The following MIGA2 variants were observed in gnomAD, a reference collection of about 807,000 sequenced individuals.
MIGA2 encodes the protein mitoguardin 2.
A neutral mutation model predicts 69.9 loss-of-function variants in MIGA2; 36 were observed. The observed-to-expected ratio is 0.52, with a 90% CI of 0.39 to 0.68. MIGA2 has a LOEUF of 0.68. Among genes scored for constraint, MIGA2 ranks in the 30% least tolerant of loss-of-function variants. The pLI, the probability that MIGA2 is intolerant of heterozygous loss-of-function variation, is 0.00. For missense variants in MIGA2, 660 were observed against 787.7 expected, an observed-to-expected ratio of 0.84 and a Z score of 1.94; for synonymous variants, 333 against 349.2, an observed-to-expected ratio of 0.95 and a Z score of 0.52.
rs748896249 is a variant in MIGA2, at chr9:129,068,177, TC to T, written c.1270-18del. 1 of 1,613,562 alleles carries T rather than the reference TC, an allele frequency of 6.2e-7. No homozygotes were observed. The highest frequency in any genetic ancestry group is 8.5e-7 in the Non-Finnish European group (1 of 1,180,002). On this transcript the variant is annotated intron_variant, in intron 12 of 15. Coordinates refer to ENST00000684074, the MANE Select transcript of MIGA2 (RefSeq NM_001329990.2). This position sits in a 1 kb window ranked among gnomAD's most constrained non-coding sequence, Gnocchi z 4.1. ...CCGGCAGTGCCCCCATGCATGAGCC[TC>T]CCGGGGGCACCCTCTGTAGGTGGTA... is the stretch of plus-strand genomic sequence containing the variant.
At chr9:129,067,939 G>A (rs1846448992) in intron 12 of MIGA2, 68 bp downstream of exon 12, 1 of 1,523,854 alleles carries the variant, frequency 6.6e-7, no homozygotes, top group Non-Finnish European at 9.0e-7. Flanking sequence ...GGGGGTTCTT[G>A]TGCCGAGCTC....
chr9:129,068,730 G>T lies in MIGA2; in HGVS notation c.1405-346G>T. 2.4e-6 allele frequency: 1 copy of T among 419,254 alleles called. No homozygotes were observed. Among genetic ancestry groups the T allele is most frequent in the Non-Finnish European group, 4.4e-6 (1 of 229,080 alleles). The allele number at this position is 419,254 out of a possible 1,614,324, so 26.0% of individuals were successfully genotyped here. A position where few individuals can be genotyped will look rare whatever the true frequency, so the allele number is the denominator to read the frequency against. On this transcript the variant is annotated intron_variant, in intron 13 of 15. Transcript: ENST00000684074. The surrounding 1 kb of genome is among the most constrained non-coding windows in gnomAD (Gnocchi z 4.1). ...GGCAAGCAGTAACGCTCCAGCAGCC[G>T]GGCTGTGCTGCCTGGGCCCAGGCTT...
At chr9:129,045,164 A>C (rs1418930618) in intron 3 of MIGA2, among the ~76,000 whole-genome samples, 2 of 150,894 alleles carry the variant, frequency 1.3e-5, no homozygotes, top group Non-Finnish European at 3.0e-5. Flanking sequence ...AAAAAAAAAA[A>C]AACGAAGCAA....
intron 6 of MIGA2, among the ~76,000 whole-genome samples, chr9:129,052,097 A>T (rs1845577559): frequency 6.6e-6 from 1 of 151,874 alleles, no homozygotes; most frequent in Non-Finnish European, 1.5e-5. Flanking sequence ...AAGTGCTGGG[A>T]TTATAGGCGT....
Position 129,068,092 on chromosome 9 carries a change from G to A in MIGA2, c.1270-106G>A, listed in dbSNP as rs759236840. The A allele has an allele frequency of 1.5e-5, 22 of 1,497,730 alleles. No individual in the cohort carries two copies. The highest frequency in any genetic ancestry group is 1.1e-4 in the African/African-American group (8 of 72,670). 92.8% of individuals were successfully genotyped at this position (1,497,730 alleles called of 1,614,324 possible). ...AGCGGGAAAGACGTGTCCCCCCCAC[G>A]TGTGCTCATGCCCTGGACCCCAGCT... On this transcript the variant is annotated intron_variant, in intron 12 of 15. Transcript: ENST00000684074. The surrounding 1 kb of genome is among the most constrained non-coding windows in gnomAD (Gnocchi z 4.1).
chr9:129,066,470 C>G (rs767317555), intron 11 of MIGA2, among the ~76,000 whole-genome samples: 1 of 151,744 alleles, frequency 6.6e-6, no homozygotes, highest in Non-Finnish European at 1.5e-5. Flanking sequence ...GTCAGGAGAT[C>G]AAGACCATCC....
chr9:129,040,368 C>T, intron 1 of MIGA2, 84 bp from the exon 2 acceptor site: 1 of 1,007,634 alleles, frequency 9.9e-7, no homozygotes, highest in Non-Finnish European at 1.3e-6. Context: ...CCTGCCTCCT[C>T]CCCCATGGAC....
intron 4 of MIGA2, 123 bp from the exon 5 acceptor site, chr9:129,049,258 C>A: frequency 1.1e-6 from 1 of 893,052 alleles, no homozygotes; most frequent in Non-Finnish European, 1.8e-6. Context: ...TAGGAACAAG[C>A]TCAGGGATGG....
chr9:129,055,234 T>C (rs1845735764), intron 6 of MIGA2, among the ~76,000 whole-genome samples: 1 of 151,940 alleles, frequency 6.6e-6, no homozygotes, highest in Non-Finnish European at 1.5e-5. Flanking sequence ...CCAGCCACTA[T>C]GCCCAGCTAA....
In MIGA2 at chr9:129,068,317, C is replaced by T; in HGVS notation, c.1389C>T (p.Asp463=). ...TCCTGCGGAACCGCTGGCTGTCAGA[C>T]AGCTTCAAGGAGACGGTGGGTCACT... The part of the protein sequence containing the change: ...LAVLRNRWLS[D]SFKETALATA... The change falls in exon 13 of 16, where the codon GAC becomes GAT. Residue 463 remains aspartate, a synonymous_variant. Coordinates refer to ENST00000684074, the MANE Select transcript of MIGA2 (RefSeq NM_001329990.2). This position sits in a 1 kb window ranked among gnomAD's most constrained non-coding sequence, Gnocchi z 4.1. The T allele has an allele frequency of 4.4e-6, 7 of 1,606,578 alleles. No homozygotes were observed. Among genetic ancestry groups the T allele is most frequent in the Non-Finnish European group, 5.9e-6 (7 of 1,178,660 alleles).
At chr9:129,067,720 T>C (rs1846435107) in intron 11 of MIGA2, 53 bp from the exon 12 acceptor site, 2 of 1,524,656 alleles carry the variant, frequency 1.3e-6, no homozygotes, top group African/African-American at 2.7e-5. Flanking sequence ...CAGGCCAGCC[T>C]GTCCCTGTGG....
rs1347548597 is a variant in MIGA2, at chr9:129,071,702, C to T, written c.*1249C>T. On this transcript the variant is annotated 3_prime_UTR_variant, in exon 16 of 16. Transcript: ENST00000684074. ...GATGATGCTGGGTGTGGCCCATCTT[C>T]TGTGGGCCCCTTCCCAGACACCGGA... 1.3e-5 allele frequency: 2 copies of T among 152,196 alleles called. No homozygotes were observed. The highest frequency in any genetic ancestry group is 2.4e-5 in the African/African-American group (1 of 41,422). The allele number at this position is 152,196 out of a possible 1,614,324, so 9.4% of individuals were successfully genotyped here.
At position 129,060,406 on chromosome 9, in the gene MIGA2, G is replaced by A. The variant is rs1846003858; in HGVS notation, c.794-144G>A. On this transcript the variant is annotated intron_variant, in intron 7 of 15. Coordinates refer to ENST00000684074, the MANE Select transcript of MIGA2 (RefSeq NM_001329990.2). This position sits in a 1 kb window ranked among gnomAD's most constrained non-coding sequence, Gnocchi z 4.8. ...GTCCTCACACAGAAGCGCTTGGCAC[G>A]TCAGAGCTTTGCCATTGAGTGTGGG... 3 of 669,666 alleles carry A rather than the reference G, an allele frequency of 4.5e-6. No individual in the cohort carries two copies. Among genetic ancestry groups the A allele is most frequent in the South Asian group, 3.8e-5 (2 of 52,378 alleles). 41.5% of individuals were successfully genotyped at this position (669,666 alleles called of 1,614,324 possible).
At chr9:129,036,820 C>G in intron 1 of MIGA2, 139 bp downstream of exon 1, 1 of 449,200 alleles carries the variant, frequency 2.2e-6, no homozygotes, top group African/African-American at 2.2e-5. Context: ...GAGTGGGTAC[C>G]CGGGCCGGGG....
At chr9:129,054,671 T>G (rs1444568582) in intron 6 of MIGA2, among the ~76,000 whole-genome samples, 3 of 152,200 alleles carry the variant, frequency 2.0e-5, no homozygotes, top group Admixed American at 6.5e-5. Flanking sequence ...AAGGTTCATC[T>G]GTGTTGCAGC....
intron 6 of MIGA2, among the ~76,000 whole-genome samples, chr9:129,054,067 G>A (rs1845680664): frequency 6.6e-6 from 1 of 152,018 alleles, no homozygotes; most frequent in Admixed American, 6.6e-5. Context: ...AATTCACATA[G>A]CATCTAAACT....
intron 3 of MIGA2, among the ~76,000 whole-genome samples, chr9:129,044,492 C>T (rs530461607): frequency 3.0e-4 from 46 of 152,214 alleles, no homozygotes; most frequent in Non-Finnish European, 4.7e-4. Flanking sequence ...AATACAGACC[C>T]GGTGTTTGCT....
At chr9:129,048,630 G>T in intron 4 of MIGA2, 91 bp downstream of exon 4, 1 of 969,204 alleles carries the variant, frequency 1.0e-6, no homozygotes. Context: ...GACTGGTAGA[G>T]TCCATTCATT....
chr9:129,067,413 G>A lies in MIGA2; in HGVS notation c.1171-360G>A, dbSNP rs1459916065. 5 of 244,118 alleles carry A rather than the reference G, an allele frequency of 2.0e-5. No individual in the cohort carries two copies. The South Asian group carries it at 2.7e-4, about 13-fold the overall frequency. The allele number at this position is 244,118 out of a possible 1,614,324, so 15.1% of individuals were successfully genotyped here. A position where few individuals can be genotyped will look rare whatever the true frequency, so the allele number is the denominator to read the frequency against. On this transcript the variant is annotated intron_variant, in intron 11 of 15. Transcript: ENST00000684074. ...CCCTAGAAGAGCCTCATCAGGGTGCGGCTGTAGCTTCTCCCCTTTCCTGTT... is the reference window on the plus strand; with the variant it reads ...CCCTAGAAGAGCCTCATCAGGGTGCAGCTGTAGCTTCTCCCCTTTCCTGTT...
Sources: gnomAD v4.1 joint callset for allele counts (sites outside exome capture counted in the v4.1 genomes callset) on GRCh38, gnomAD v4.1.1 for gene constraint, Gnocchi (gnomAD v3.1) non-coding constraint, MANE v1.5 for transcripts, NCBI Gene and HGNC (gene_info 2026-07-23, HGNC 2026-07-21) for gene names.